The following HMBOX1 variants were observed in gnomAD, a reference collection of about 807,000 sequenced individuals.
HMBOX1 encodes the protein homeobox containing 1.
In HMBOX1, 14 loss-of-function variants were observed where a neutral mutation model predicts 54.5. The observed-to-expected ratio is 0.26, with a 90% CI of 0.17 to 0.40. HMBOX1 has a LOEUF of 0.40. Among genes scored for constraint, HMBOX1 ranks in the 10% least tolerant of loss-of-function variants. HMBOX1 has a pLI of 1.00. For synonymous variants in HMBOX1, 160 were observed against 181.0 expected (o/e 0.88, Z 0.93); for missense variants, 332 against 514.4 (o/e 0.65, Z 3.43).
In HMBOX1 at chr8:28,965,541, G is replaced by A. The variant is rs187164722; in HGVS notation, c.23+1651G>A. ...AATTATGATGAAAGGAGGCCTCTGTGTTCAAGTGAAGGCTAAAGGTGGAGG... is the reference window on the plus strand; with the variant it reads ...AATTATGATGAAAGGAGGCCTCTGTATTCAAGTGAAGGCTAAAGGTGGAGG... On this transcript the variant is annotated intron_variant, in intron 2 of 9. Coordinates refer to ENST00000287701, the MANE Select transcript of HMBOX1 (RefSeq NM_001135726.3). Among the ~76,000 whole-genome samples, 7 of 152,328 alleles carry A rather than the reference G, an allele frequency of 4.6e-5. No individual in the cohort carries two copies. The East Asian group carries it at 1.3e-3, about 29-fold the overall frequency.
chr8:29,002,796 T>G (rs1456387627), intron 4 of HMBOX1, among the ~76,000 whole-genome samples: 1 of 152,202 alleles, frequency 6.6e-6, no homozygotes, highest in East Asian at 1.9e-4. Context: ...TTTCAGTTAT[T>G]ACTTCTACCT....
At chr8:28,944,579 A>G (rs2132053356) in intron 1 of HMBOX1, among the ~76,000 whole-genome samples, 1 of 152,322 alleles carries the variant, frequency 6.6e-6, no homozygotes, top group Non-Finnish European at 1.5e-5. Flanking sequence ...TACTATTCCC[A>G]TTGGATCAAA....
chr8:28,993,735 T>A (rs1287322766), intron 4 of HMBOX1, among the ~76,000 whole-genome samples: 3 of 152,208 alleles, frequency 2.0e-5, no homozygotes, highest in Non-Finnish European at 4.4e-5. Flanking sequence ...CCAGATTCAA[T>A]TCAGGGGTTA....
intron 1 of HMBOX1, among the ~76,000 whole-genome samples, chr8:28,949,513 T>G (rs1823029998): frequency 6.6e-6 from 1 of 152,248 alleles, no homozygotes; most frequent in Non-Finnish European, 1.5e-5. Context: ...ATTAATTATC[T>G]TGGAAAATGT....
intron 1 of HMBOX1, among the ~76,000 whole-genome samples, chr8:28,907,817 T>G (rs891636552): frequency 6.6e-6 from 1 of 152,086 alleles, no homozygotes; most frequent in Non-Finnish European, 1.5e-5. Context: ...TGTTGTATAC[T>G]ATATGAAATA....
At chr8:28,919,760 G>T (rs1396255269) in intron 1 of HMBOX1, among the ~76,000 whole-genome samples, 2 of 152,102 alleles carry the variant, frequency 1.3e-5, no homozygotes, top group Non-Finnish European at 2.9e-5. Context: ...CATTTCCTTG[G>T]AAGGTAGTAT....
At chr8:28,941,780 T>G (rs1398468729) in intron 1 of HMBOX1, among the ~76,000 whole-genome samples, 1 of 152,230 alleles carries the variant, frequency 6.6e-6, no homozygotes, top group African/African-American at 2.4e-5. Context: ...TTCTGTTCTT[T>G]TACTTCTCTA....
At chr8:28,925,031 A>T in intron 1 of HMBOX1, among the ~76,000 whole-genome samples, 1 of 149,110 alleles carries the variant, frequency 6.7e-6, no homozygotes, top group Admixed American at 6.7e-5. Flanking sequence ...TTTTACTAGG[A>T]GTTGATAAAC....
intron 1 of HMBOX1, among the ~76,000 whole-genome samples, chr8:28,963,276 G>C (rs540563864): frequency 6.6e-6 from 1 of 152,236 alleles, no homozygotes; most frequent in East Asian, 1.9e-4. Context: ...GAGCCACCAC[G>C]CCTGGCCTGT....
chr8:28,958,926 G>C (rs1824968760), intron 1 of HMBOX1, among the ~76,000 whole-genome samples: 1 of 152,052 alleles, frequency 6.6e-6, no homozygotes, highest in African/African-American at 2.4e-5. Context: ...ATTTCCTAAA[G>C]ATGGACCACT....
intron 3 of HMBOX1, among the ~76,000 whole-genome samples, chr8:28,979,018 T>C (rs888454978): frequency 6.6e-6 from 1 of 152,204 alleles, no homozygotes; most frequent in Admixed American, 6.5e-5. Flanking sequence ...ATTGCAAATG[T>C]CCATCTGTGA....
At chr8:28,980,991 C>G (rs902838145) in intron 4 of HMBOX1, among the ~76,000 whole-genome samples, 4 of 152,066 alleles carry the variant, frequency 2.6e-5, no homozygotes, top group African/African-American at 7.2e-5. Context: ...GCTTTTTAGC[C>G]TCTGTGCCTC....
chr8:28,937,976 C>G (rs1383164311), intron 1 of HMBOX1, among the ~76,000 whole-genome samples: 2 of 152,046 alleles, frequency 1.3e-5, no homozygotes, highest in Non-Finnish European at 2.9e-5. Context: ...GTCATTTTCT[C>G]TTTTTGATTG....
At chr8:28,960,257 G>A (rs907359818) in intron 1 of HMBOX1, among the ~76,000 whole-genome samples, 3 of 142,970 alleles carry the variant, frequency 2.1e-5, no homozygotes, top group African/African-American at 3.0e-5. Flanking sequence ...TTGTTATGAA[G>A]AACAATCCTC....
chr8:29,003,517 T>G (rs1466023690), intron 4 of HMBOX1, among the ~76,000 whole-genome samples: 2 of 120,284 alleles, frequency 1.7e-5, no homozygotes, highest in East Asian at 5.1e-4. Context: ...TATATATATA[T>G]GCATGCATAT....
intron 1 of HMBOX1, among the ~76,000 whole-genome samples, chr8:28,931,024 G>C (rs1416476484): frequency 1.3e-5 from 2 of 152,242 alleles, no homozygotes; most frequent in Admixed American, 1.3e-4. Flanking sequence ...ATCATTTTGG[G>C]AATGATTTGT....
intron 9 of HMBOX1, chr8:29,050,158 C>T (rs1806227624): frequency 4.9e-6 from 4 of 820,718 alleles, no homozygotes; most frequent in Non-Finnish European, 4.4e-6. Context: ...TACAGATGCC[C>T]TAAGGGCAGC....
At chr8:28,925,485 TCA>T (rs1818288850) in intron 1 of HMBOX1, among the ~76,000 whole-genome samples, 1 of 152,218 alleles carries the variant, frequency 6.6e-6, no homozygotes, top group African/African-American at 2.4e-5. Flanking sequence ...TTGTTTGCTC[TCA>T]GTTATGTGGT....
intron 1 of HMBOX1, among the ~76,000 whole-genome samples, chr8:28,905,919 A>G (rs1301643893): frequency 1.3e-5 from 2 of 152,180 alleles, no homozygotes; most frequent in African/African-American, 4.8e-5. Context: ...CACATTTCCA[A>G]TCTTTGTATT....
Sources: gnomAD v4.1 joint callset for allele counts (sites outside exome capture counted in the v4.1 genomes callset) on GRCh38, gnomAD v4.1.1 for gene constraint, MANE v1.5 for transcripts, NCBI Gene and HGNC (gene_info 2026-07-23, HGNC 2026-07-21) for gene names.